The following ERI2 variants were observed in gnomAD, a reference collection of about 807,000 sequenced individuals.
ERI2 encodes the protein ERI1 exoribonuclease 2.
A neutral mutation model predicts 46.8 loss-of-function variants in ERI2; 35 were observed. That is an observed-to-expected ratio of 0.75 (90% confidence interval 0.57 to 0.99). The LOEUF (loss-of-function observed/expected upper bound fraction) is 0.99, where lower values mean the gene tolerates loss of function less well. Among genes scored for constraint, ERI2 ranks in the 50% least tolerant of loss-of-function variants. The pLI is 0.00. For missense variants in ERI2, 695 were observed against 796.2 expected, an observed-to-expected ratio of 0.87 and a Z score of 1.53; for synonymous variants, 224 against 271.0, an observed-to-expected ratio of 0.83 and a Z score of 1.70.
intron 1 of ERI2, chr16:20,806,011 G>T (rs945974364): frequency 2.5e-5 from 29 of 1,138,148 alleles, no homozygotes; most frequent in Non-Finnish European, 3.0e-5. Flanking sequence ...TTTCTTTACA[G>T]CACCGAGGAA....
chr16:20,799,832 A>G (rs1009713609), intron 7 of ERI2, 125 bp downstream of exon 7: 21 of 618,304 alleles, frequency 3.4e-5, no homozygotes, highest in Admixed American at 1.9e-4. Flanking sequence ...TGAATTGTTT[A>G]GATTAGGAGT....
chr16:20,801,268 A>G lies in ERI2; in HGVS notation c.395T>C (p.Phe132Ser), dbSNP rs762009195. The stretch of plus-strand genomic sequence containing the variant: ...AGAAGGCTCTGAAATCCCAGTAGCA[A>G]AAATAATGTTCTTCTGTTGCTGAAT... The part of the protein sequence containing the change: ...HKIQQQKNII[F>S]ATGISEPSAS... The change falls in exon 5 of 9, where the codon TTT becomes TCT. Residue 132 changes from phenylalanine to serine, a missense_variant. Phe to Ser is a radical substitution (Grantham distance 155). Transcript: ENST00000357967. The G allele has an allele frequency of 6.2e-7, 1 of 1,612,818 alleles. No individual in the cohort carries two copies. The highest frequency in any genetic ancestry group is 8.5e-7 in the Non-Finnish European group (1 of 1,179,430).
chr16:20,794,630 G>T (rs969995894), downstream of ERI2, among the ~76,000 whole-genome samples: 5 of 152,172 alleles, frequency 3.3e-5, no homozygotes, highest in African/African-American at 1.2e-4. Context: ...TGGATTCTGG[G>T]TTAAAAAATA....
In ERI2 at chr16:20,798,067, GT is replaced by G. The variant is rs1567369720; in HGVS notation, c.1732del (p.Thr578LeufsTer15). On this transcript the variant is annotated frameshift_variant, in exon 9 of 9. Transcript: ENST00000357967. LOFTEE classifies it high-confidence loss of function. ...TGGCTCTTGTAGGTTAACTGTAGAA[GT>G]TAATATAGATGGGAGACGCCTCCAG... ...SSWRRLPSIL[T>X]STVNLQEPWK... The G allele has an allele frequency of 5.2e-6, 8 of 1,551,628 alleles. No homozygotes were observed. The highest frequency in any genetic ancestry group is 7.0e-6 in the Non-Finnish European group (8 of 1,146,920).
chr16:20,792,406 A>T, downstream of ERI2: 1 of 1,588,864 alleles, frequency 6.3e-7, no homozygotes, highest in Non-Finnish European at 8.6e-7. Context: ...ACAGTAGCTC[A>T]GTGAAACAGA....
rs910053393 is a variant in ERI2, at chr16:20,798,632, C to T, written c.1168G>A (p.Val390Ile). 10 of 1,551,492 alleles carry T rather than the reference C, an allele frequency of 6.4e-6. No homozygotes were observed. The Admixed American group carries it at 1.6e-4, about 24-fold the overall frequency. Residue 390 changes from valine to isoleucine, a missense_variant, in exon 9 of 9, where the codon GTT becomes ATT. By Grantham distance (29) the Val-to-Ile change is conservative (BLOSUM62 3). Coordinates refer to ENST00000357967, the MANE Select transcript of ERI2 (RefSeq NM_001142725.2). ...VSTTVPTVHHVSDLEMSSTLD... is the reference protein window; with the variant it reads ...VSTTVPTVHHISDLEMSSTLD... ...GTAGAGCTCATTTCCAAATCAGAAA[C>T]ATGATGAACAGTTGGAACGGTGGTA...
At position 20,790,207 on chromosome 16, in the gene ERI2, T is replaced by G. The variant is rs1752425315; in HGVS notation, c.815+643A>C. 6.6e-6 allele frequency among the ~76,000 whole-genome samples: 1 copy of G among 152,106 alleles called. No individual in the cohort carries two copies. The highest frequency in any genetic ancestry group is 2.4e-5 in the African/African-American group (1 of 41,422). ...TGGCTCATGCCTATAATCCCAGCACTTTGGGAGGCCAAGGCTGGAATATCA... is the reference window on the plus strand; with the variant it reads ...TGGCTCATGCCTATAATCCCAGCACGTTGGGAGGCCAAGGCTGGAATATCA... On this transcript the variant is annotated intron_variant, in intron 9 of 10. Transcript: ENST00000300005. The surrounding 1 kb of genome is among the most constrained non-coding windows in gnomAD (Gnocchi z 4.0).
In ERI2 at chr16:20,799,258, C is replaced by T. The variant is rs201460087; in HGVS notation, c.732+5G>A. The T allele has an allele frequency of 1.2e-6, 2 of 1,613,336 alleles. No homozygotes were observed. Among genetic ancestry groups the T allele is most frequent in the Non-Finnish European group, 1.7e-6 (2 of 1,179,600 alleles). ...GACAGAATAAAAAGGCAAGACACTA[C>T]TAACCTTGTTCAACGACCTTGTAAT... On this transcript the variant is annotated splice_donor_5th_base_variant and intron_variant, in intron 8 of 8. Coordinates refer to ENST00000357967, the MANE Select transcript of ERI2 (RefSeq NM_001142725.2).
downstream of ERI2, among the ~76,000 whole-genome samples, chr16:20,794,398 C>G (rs1405346824): frequency 2.0e-5 from 3 of 152,222 alleles, no homozygotes; most frequent in East Asian, 5.8e-4. Context: ...TGGAAATGTT[C>G]TATATTTGCA....
chr16:20,780,495 T>C (rs1229762335), exon 11 of ERI2: 12 of 859,618 alleles, frequency 1.4e-5, no homozygotes, highest in Middle Eastern at 7.2e-4. Context: ...AAAGCAGCTA[T>C]TATAAATGGG....
intron 10 of ERI2, among the ~76,000 whole-genome samples, chr16:20,789,076 A>G (rs1567361245): frequency 6.6e-6 from 1 of 152,226 alleles, no homozygotes; most frequent in South Asian, 2.1e-4. Context: ...GAAACAGCTA[A>G]AAGTCATTTA....
chr16:20,785,937 C>T, intron 10 of ERI2: 1 of 504,230 alleles, frequency 2.0e-6, no homozygotes, highest in South Asian at 3.8e-5. Context: ...GTTATCACTA[C>T]ATTCCATGAG....
Position 20,800,383 on chromosome 16 carries a change from G to A in ERI2, c.480C>T (p.Cys160=). 6.2e-7 allele frequency: 1 copy of A among 1,606,300 alleles called. No individual in the cohort carries two copies. Among genetic ancestry groups the A allele is most frequent in the South Asian group, 1.1e-5 (1 of 89,752 alleles). The stretch of plus-strand genomic sequence containing the variant: ...GCTTTCTTTTACACTCATACTCCAG[G>A]CAAACCCCCAAGTCCCAGTCTGCAT... ...VTWSDWDLGV[C]LEYECKRKQL... The change falls in exon 6 of 9, where the codon TGC becomes TGT. Residue 160 remains cysteine, a synonymous_variant. Coordinates refer to ENST00000357967, the MANE Select transcript of ERI2 (RefSeq NM_001142725.2).
chr16:20,798,932 G>A lies in ERI2; in HGVS notation c.868C>T (p.His290Tyr), dbSNP rs1596549061. 2 of 1,551,164 alleles carry A rather than the reference G, an allele frequency of 1.3e-6. No individual in the cohort carries two copies. Among genetic ancestry groups the A allele is most frequent in the Non-Finnish European group, 1.7e-6 (2 of 1,146,826 alleles). ...NKEPKNIINP[H>Y]EKVQMKSICA... ...ATTGACTTCATTTGAACTTTTTCAT[G>A]AGGATTTATTATATTTTTAGGCTCC... Residue 290 changes from histidine (H) to tyrosine (Y), a missense_variant, in exon 9 of 9, where the codon CAT becomes TAT. Coordinates refer to ENST00000357967, the MANE Select transcript of ERI2 (RefSeq NM_001142725.2).
chr16:20,781,825 G>T (rs1384196576), intron 10 of ERI2: 1 of 1,441,698 alleles, frequency 6.9e-7, no homozygotes. Context: ...AGTGGGGAGA[G>T]GGGAGAAGAG....
chr16:20,793,550 A>G (rs1202024100), downstream of ERI2, among the ~76,000 whole-genome samples: 1 of 152,054 alleles, frequency 6.6e-6, no homozygotes, highest in East Asian at 1.9e-4. Context: ...ATCTCCCCCC[A>G]GGACTGATTC....
intron 4 of ERI2, among the ~76,000 whole-genome samples, chr16:20,802,217 C>T (rs1453919287): frequency 6.6e-6 from 1 of 151,652 alleles, no homozygotes; most frequent in Non-Finnish European, 1.5e-5. Flanking sequence ...TGGTGTGTAC[C>T]TATAGTCCCA....
chr16:20,796,203 C>T, downstream of ERI2: 1 of 1,207,368 alleles, frequency 8.3e-7, no homozygotes, highest in East Asian at 2.6e-5. Context: ...GTATTAGGTA[C>T]AGACCAGGAA....
chr16:20,781,004 G>C, intron 10 of ERI2: 1 of 1,614,204 alleles, frequency 6.2e-7, no homozygotes, highest in Non-Finnish European at 8.5e-7. Context: ...CCTCAGATGT[G>C]ATGTGGAATA....
Sources: allele counts gnomAD v4.1 joint callset (sites outside exome capture counted in the v4.1 genomes callset), GRCh38; gene constraint gnomAD v4.1.1; non-coding constraint Gnocchi (gnomAD v3.1); transcripts MANE v1.5; gene names NCBI Gene and HGNC (gene_info 2026-07-23, HGNC 2026-07-21).